Variants in PECR observed in about 807,000 individuals in gnomAD.
PECR encodes the protein 2,4-dienoyl-CoA reductase-related protein.
Under a neutral mutation model 35.3 loss-of-function variants are expected in PECR, and 30 were observed. That is an observed-to-expected ratio of 0.85 (90% CI 0.64 to 1.15). PECR has a LOEUF of 1.15. Ranked by LOEUF, PECR falls within the 50% of genes most tolerant of loss-of-function variation. The pLI is 0.00. For missense variants in PECR, 392 were observed against 370.8 expected (o/e 1.06, Z -0.47); for synonymous variants, 148 against 138.9 (o/e 1.07, Z -0.46).
At chr2:216,029,823 T>C (rs759824271) in intron 7 of PECR, among the ~76,000 whole-genome samples, 9 of 152,232 alleles carry the variant, frequency 5.9e-5, no homozygotes, top group Non-Finnish European at 7.3e-5. Flanking sequence ...GAAAAGGAGA[T>C]GGTTTAATGA....
At chr2:216,049,531 G>T (rs544779114) in intron 5 of PECR, among the ~76,000 whole-genome samples, 158 bp from the exon 6 acceptor site, 1 of 152,294 alleles carries the variant, frequency 6.6e-6, no homozygotes, top group South Asian at 2.1e-4. Context: ...TGTTGTCAAA[G>T]AAGTACAGTC....
At chr2:216,029,957 A>G (rs1279515583) in intron 7 of PECR, among the ~76,000 whole-genome samples, 1 of 152,228 alleles carries the variant, frequency 6.6e-6, no homozygotes, top group Non-Finnish European at 1.5e-5. Context: ...GCACATGCTC[A>G]TGGTGGTCAC....
At chr2:216,072,127 T>C (rs1012345995) in intron 1 of PECR, among the ~76,000 whole-genome samples, 2 of 152,210 alleles carry the variant, frequency 1.3e-5, no homozygotes, top group African/African-American at 2.4e-5. Flanking sequence ...GTGATACAGT[T>C]ATAGGCTGTT....
chr2:216,078,998 T>G (rs796981764), intron 1 of PECR, among the ~76,000 whole-genome samples: 122 of 152,338 alleles, frequency 8.0e-4, no homozygotes, highest in African/African-American at 2.9e-3. Flanking sequence ...ACGAATCTGC[T>G]GAGAAGCCTA....
chr2:216,038,096 A>C (rs1484971906), downstream of PECR, among the ~76,000 whole-genome samples: 1 of 151,932 alleles, frequency 6.6e-6, no homozygotes, highest in East Asian at 1.9e-4. Context: ...AAAATAAATA[A>C]ATAAATAAAT....
At chr2:216,081,473 G>T (rs755388854) in intron 1 of PECR, 145 bp downstream of exon 1, 1 of 956,604 alleles carries the variant, frequency 1.0e-6, no homozygotes, top group African/African-American at 1.6e-5. Flanking sequence ...TGTCTCCCTG[G>T]TGGTCGTAAT....
chr2:216,041,705 A>G (rs1262257837), intron 7 of PECR, among the ~76,000 whole-genome samples: 2 of 152,182 alleles, frequency 1.3e-5, no homozygotes, highest in Non-Finnish European at 2.9e-5. Flanking sequence ...TGGGACCTTC[A>G]GCCCATACCC....
At chr2:216,030,414 T>C (rs1026209892) in intron 7 of PECR, among the ~76,000 whole-genome samples, 1 of 152,162 alleles carries the variant, frequency 6.6e-6, no homozygotes, top group Non-Finnish European at 1.5e-5. Flanking sequence ...AACTGTAAAA[T>C]GCTGGTAATA....
At chr2:216,042,640 G>A (rs1694907472) in intron 7 of PECR, among the ~76,000 whole-genome samples, 2 of 152,080 alleles carry the variant, frequency 1.3e-5, no homozygotes, top group South Asian at 2.1e-4. Context: ...TAGGATACTG[G>A]ACTTTGTGAT....
chr2:216,039,033 G>C lies in PECR; in HGVS notation c.*242C>G. 5.7e-6 allele frequency: 2 copies of C among 352,002 alleles called. No individual in the cohort carries two copies. The highest frequency in any genetic ancestry group is 6.7e-5 in the South Asian group (2 of 29,852). The allele number at this position is 352,002 out of a possible 1,614,324, so 21.8% of individuals were successfully genotyped here. ...CAAATACTTTTCTTAGAAATAAAAA[G>C]TAAAGTCATTAAAATATGTTAATTT... On this transcript the variant is annotated 3_prime_UTR_variant, in exon 8 of 8. Coordinates refer to ENST00000265322, the MANE Select transcript of PECR (RefSeq NM_018441.6).
At chr2:216,068,804 ATTTTTTTTT>A (rs36012588) in intron 1 of PECR, among the ~76,000 whole-genome samples, 1 of 76,088 alleles carries the variant, frequency 1.3e-5, no homozygotes, top group Non-Finnish European at 2.5e-5. Flanking sequence ...TATCTGGCCA[ATTTTTTTTT>A]TTTTTTTTTT....
intron 3 of PECR, among the ~76,000 whole-genome samples, chr2:216,062,626 ATAAG>A (rs1379541466): frequency 6.6e-6 from 1 of 152,230 alleles, no homozygotes; most frequent in African/African-American, 2.4e-5. Context: ...TTTTAATTGC[ATAAG>A]TAATATATGG....
At chr2:216,073,037 T>C (rs990236245) in intron 1 of PECR, among the ~76,000 whole-genome samples, 1 of 152,258 alleles carries the variant, frequency 6.6e-6, no homozygotes, top group South Asian at 2.1e-4. Context: ...GTAACAACTT[T>C]TGGAAATTCT....
intron 7 of PECR, among the ~76,000 whole-genome samples, chr2:216,043,032 T>TATATACACATAC (rs1559207797): frequency 4.7e-5 from 6 of 127,916 alleles, no homozygotes; most frequent in Non-Finnish European, 1.0e-4. Flanking sequence ...TACGTATATA[T>TATATACACATAC]GTATGTGTAT....
chr2:216,071,516 T>C (rs916838013), intron 1 of PECR, among the ~76,000 whole-genome samples: 3 of 152,226 alleles, frequency 2.0e-5, no homozygotes, highest in African/African-American at 4.8e-5. Flanking sequence ...TGGGTTGTGA[T>C]AGATAAATCT....
At chr2:216,053,320 T>G (rs1695156680) in intron 4 of PECR, among the ~76,000 whole-genome samples, 1 of 151,986 alleles carries the variant, frequency 6.6e-6, no homozygotes, top group Admixed American at 6.6e-5. Context: ...CTCGGCTCAC[T>G]GCAAGCTCCA....
chr2:216,065,066 T>C, intron 3 of PECR: 2 of 526,934 alleles, frequency 3.8e-6, no homozygotes, highest in Non-Finnish European at 6.8e-6. Flanking sequence ...GCTAAATCTA[T>C]GTACAGATCA....
chr2:216,065,102 C>A, intron 3 of PECR: 1 of 582,388 alleles, frequency 1.7e-6, no homozygotes, highest in Non-Finnish European at 3.1e-6. Flanking sequence ...TAATAAATTC[C>A]AAGAAATAAA....
downstream of PECR, among the ~76,000 whole-genome samples, chr2:216,036,989 C>T (rs948495218): frequency 6.6e-6 from 1 of 152,126 alleles, no homozygotes; most frequent in Admixed American, 6.6e-5. Context: ...TTATAGCACT[C>T]GTGTTCTCTC....
Sources: gnomAD v4.1 joint callset for allele counts (sites outside exome capture counted in the v4.1 genomes callset) on GRCh38, gnomAD v4.1.1 for gene constraint, MANE v1.5 for transcripts, NCBI Gene and HGNC (gene_info 2026-07-23, HGNC 2026-07-21) for gene names.